The following NT5C2 variants were observed in gnomAD, a reference collection of about 807,000 sequenced individuals.
NT5C2 encodes cytosolic purine 5'-nucleotidase.
NT5C2 carries 58 observed loss-of-function variants against 76.1 expected under a neutral mutation model. The ratio of observed to expected loss-of-function variants is 0.76; its 90% CI spans 0.62 to 0.95. The LOEUF is 0.95. NT5C2 is among the 40% of genes least tolerant of loss of function. The pLI, the probability that NT5C2 is intolerant of heterozygous loss-of-function variation, is 0.00. For missense variants in NT5C2, 478 were observed against 690.3 expected (o/e 0.69, Z 3.45); for synonymous variants, 229 against 237.4 (o/e 0.96, Z 0.32).
chr10:103,182,656 G>C (rs2091286118), intron 1 of NT5C2, among the ~76,000 whole-genome samples: 1 of 151,880 alleles, frequency 6.6e-6, no homozygotes, highest in African/African-American at 2.4e-5. Context: ...ACTAAACTTG[G>C]CATTTTTAAG....
intron 11 of NT5C2, 59 bp from the exon 12 acceptor site, chr10:103,096,039 T>C (rs2068079962): frequency 1.6e-6 from 2 of 1,214,182 alleles, no homozygotes; most frequent in Non-Finnish European, 2.4e-6. Context: ...GTATATAACC[T>C]AAAGAAATTA....
intron 15 of NT5C2, among the ~76,000 whole-genome samples, chr10:103,092,264 A>T (rs1160139519): frequency 1.3e-5 from 2 of 152,228 alleles, no homozygotes; most frequent in Admixed American, 1.3e-4. Flanking sequence ...GTGTTACTCA[A>T]ATAATTTTCT....
chr10:103,162,931 T>C (rs2085302402), intron 3 of NT5C2, among the ~76,000 whole-genome samples: 1 of 152,180 alleles, frequency 6.6e-6, no homozygotes, highest in Admixed American at 6.5e-5. Flanking sequence ...AACTCTCCCC[T>C]ACTATCCTTC....
intron 3 of NT5C2, among the ~76,000 whole-genome samples, chr10:103,151,448 G>A (rs1467566921): frequency 6.9e-6 from 1 of 144,616 alleles, no homozygotes; most frequent in East Asian, 2.0e-4. Flanking sequence ...TGGGCAACAA[G>A]AGTGAAACCT....
At chr10:103,146,693 C>T (rs1316683708) in intron 3 of NT5C2, among the ~76,000 whole-genome samples, 53 of 152,144 alleles carry the variant, frequency 3.5e-4, no homozygotes, top group Admixed American at 3.5e-3. Flanking sequence ...TGATTCTTTC[C>T]TCTTCTTCAA....
At chr10:103,148,457 C>T (rs964950463) in intron 3 of NT5C2, among the ~76,000 whole-genome samples, 2 of 151,952 alleles carry the variant, frequency 1.3e-5, no homozygotes, top group Admixed American at 6.6e-5. Context: ...AAAAATTAGC[C>T]GGGCATGGTG....
chr10:103,099,002 A>G lies in NT5C2; in HGVS notation c.634-18T>C, dbSNP rs527402673. ...AGGGAGCCCTGGAGGAAGACAAAAA[A>G]AAGAATTAAGAAAAGAACAAAATCA... On this transcript the variant is annotated intron_variant, in intron 9 of 18. Coordinates refer to ENST00000404739, the MANE Select transcript of NT5C2 (RefSeq NM_001351169.2). 1.3e-6 allele frequency: 2 copies of G among 1,586,444 alleles called. No homozygotes were observed. The highest frequency in any genetic ancestry group is 2.7e-5 in the African/African-American group (2 of 74,222).
intron 1 of NT5C2, among the ~76,000 whole-genome samples, chr10:103,191,686 T>C (rs1164622145): frequency 6.6e-6 from 1 of 151,442 alleles, no homozygotes; most frequent in African/African-American, 2.4e-5. Context: ...CTGAAAGGAA[T>C]CTTGCATAAC....
At chr10:103,093,455 T>C in intron 14 of NT5C2, 146 bp from the exon 15 acceptor site, 1 of 707,458 alleles carries the variant, frequency 1.4e-6, no homozygotes, top group South Asian at 3.5e-5. Context: ...ACCATTCTCT[T>C]TTTACTGCCT....
chr10:103,189,858 C>T (rs1406246468), intron 1 of NT5C2, among the ~76,000 whole-genome samples: 5 of 151,074 alleles, frequency 3.3e-5, no homozygotes, highest in African/African-American at 9.7e-5. Flanking sequence ...TTAGTAGAGA[C>T]GGGGTTTCAC....
At chr10:103,094,172 T>C in intron 13 of NT5C2, 134 bp from the exon 14 acceptor site, 1 of 667,262 alleles carries the variant, frequency 1.5e-6, no homozygotes, top group Non-Finnish European at 2.6e-6. Context: ...CACTTACTCT[T>C]TTCAATTAGT....
chr10:103,100,522 C>G (rs2069305642), intron 8 of NT5C2: 4 of 369,802 alleles, frequency 1.1e-5, no homozygotes, highest in South Asian at 8.1e-5. Flanking sequence ...GATGGCTAAA[C>G]TTTCAGTATT....
chr10:103,189,567 C>T (rs555717394), intron 1 of NT5C2, among the ~76,000 whole-genome samples: 15 of 149,056 alleles, frequency 1.0e-4, no homozygotes, highest in African/African-American at 3.5e-4. Context: ...GATCGCACCA[C>T]TGCACTACAG....
chr10:103,141,610 C>T (rs9919482), intron 3 of NT5C2, among the ~76,000 whole-genome samples: 2,194 of 152,230 alleles, frequency 0.014, 56 homozygotes, highest in African/African-American at 0.049. Context: ...AGGGAAGAGG[C>T]TCTCCTTTCC....
intron 3 of NT5C2, among the ~76,000 whole-genome samples, chr10:103,163,125 A>G (rs2085350826): frequency 6.6e-6 from 1 of 152,226 alleles, no homozygotes. Context: ...TCACTAGTTC[A>G]TTATTTTACC....
intron 12 of NT5C2, 137 bp downstream of exon 12, chr10:103,095,802 T>C (rs1330850114): frequency 4.2e-6 from 3 of 711,712 alleles, no homozygotes; most frequent in African/African-American, 1.8e-5. Context: ...CTAATGTTAA[T>C]GAAGATTAGA....
intron 13 of NT5C2, 145 bp downstream of exon 13, chr10:103,094,198 TTTCAG>T: frequency 9.4e-6 from 7 of 748,422 alleles, no homozygotes; most frequent in Admixed American, 2.5e-5. Flanking sequence ...TGTTTGACTG[TTTCAG>T]TTAAGACCAA....
chr10:103,182,452 C>T (rs2091238661), intron 1 of NT5C2, among the ~76,000 whole-genome samples: 1 of 151,994 alleles, frequency 6.6e-6, no homozygotes, highest in African/African-American at 2.4e-5. Context: ...GCCTGGCCAA[C>T]ATGGTGAAAC....
At chr10:103,107,929 C>T (rs11191559) in intron 4 of NT5C2, among the ~76,000 whole-genome samples, 15,254 of 152,020 alleles carry the variant, frequency 0.1, 952 homozygotes, top group East Asian at 0.28. Context: ...CCAAGGCGGG[C>T]GGATCACTTG....
Sources: allele counts gnomAD v4.1 joint callset (sites outside exome capture counted in the v4.1 genomes callset), GRCh38; gene constraint gnomAD v4.1.1; transcripts MANE v1.5; gene names NCBI Gene and HGNC (gene_info 2026-07-23, HGNC 2026-07-21).